The following PRKDC variants were observed in gnomAD, a reference collection of about 807,000 sequenced individuals.
PRKDC encodes the protein protein kinase, DNA-activated, catalytic subunit, also known as DNA-dependent protein kinase catalytic subunit.
A neutral mutation model predicts 486.9 loss-of-function variants in PRKDC; 82 were observed. That is an observed-to-expected ratio of 0.17 (90% CI 0.14 to 0.20). The LOEUF (loss-of-function observed/expected upper bound fraction) is 0.20. Ranked by LOEUF, PRKDC falls within the 10% of genes least tolerant of loss-of-function variation. The pLI is 1.00. For synonymous variants in PRKDC, 1,895 were observed against 1,837.0 expected (o/e 1.03, Z -0.81); for missense variants, 4,504 against 5,038.2 (o/e 0.89, Z 3.21).
intron 52 of PRKDC, among the ~76,000 whole-genome samples, chr8:47,851,347 A>C (rs577470049): frequency 6.6e-6 from 1 of 152,374 alleles, no homozygotes; most frequent in South Asian, 2.1e-4. Flanking sequence ...ATCTTGTAAA[A>C]AAGTTCTACT....
Position 47,914,040 on chromosome 8 carries a change from T to A in PRKDC, c.2642A>T (p.Lys881Met), listed in dbSNP as rs756758606. Residue 881 changes from lysine to methionine, a missense_variant, in exon 24 of 86, where the codon AAG becomes ATG. This residue lies in a region of PRKDC where 1,969 missense variants were observed against 2,068.9 expected (regional missense o/e 0.95). Transcript: ENST00000314191. ...LTVTSSDEMM[K>M]SYVAWDREKR... is the part of the protein sequence containing the mutation. ...CTCTCTGTCCCAGGCCACATAGCTC[T>A]TCATCATCTCATCTGAGGACGTGAC... is the stretch of plus-strand genomic sequence containing the variant. The A allele has an allele frequency of 1.3e-6, 2 of 1,558,358 alleles. No individual in the cohort carries two copies. The highest frequency in any genetic ancestry group is 1.3e-5 in the South Asian group (1 of 79,582).
intron 18 of PRKDC, among the ~76,000 whole-genome samples, chr8:47,929,472 C>T (rs1000614036): frequency 3.3e-5 from 5 of 152,310 alleles, no homozygotes; most frequent in African/African-American, 9.6e-5. Flanking sequence ...ACTGGAGCGT[C>T]GAGAATGCTA....
At chr8:47,844,361 T>C (rs542567152) in intron 54 of PRKDC, among the ~76,000 whole-genome samples, 1 of 152,330 alleles carries the variant, frequency 6.6e-6, no homozygotes, top group African/African-American at 2.4e-5. Flanking sequence ...ACTACATATA[T>C]AAGTACCTAA....
At chr8:47,792,611 G>A (rs1444183872) in intron 74 of PRKDC, among the ~76,000 whole-genome samples, 1 of 152,062 alleles carries the variant, frequency 6.6e-6, no homozygotes, top group Non-Finnish European at 1.5e-5. Flanking sequence ...GAGTATAACT[G>A]GAATGTTTAT....
chr8:47,937,984 T>C (rs971821543), intron 11 of PRKDC, among the ~76,000 whole-genome samples: 3 of 152,110 alleles, frequency 2.0e-5, no homozygotes, highest in Non-Finnish European at 2.9e-5. Flanking sequence ...GCATGGTGGC[T>C]CATGTCTGTG....
At chr8:47,943,050 C>G (rs1240786193) in intron 10 of PRKDC, among the ~76,000 whole-genome samples, 159 bp downstream of exon 10, 1 of 152,270 alleles carries the variant, frequency 6.6e-6, no homozygotes, top group Non-Finnish European at 1.5e-5. Context: ...TTCAGTCTGG[C>G]TGCCTCCCAT....
chr8:47,904,767 T>C, intron 26 of PRKDC, 102 bp downstream of exon 26: 1 of 912,360 alleles, frequency 1.1e-6, no homozygotes, highest in East Asian at 2.6e-5. Context: ...CATTCCAGCC[T>C]GGGCGACGGA....
Position 47,854,165 on chromosome 8 carries a change from A to G in PRKDC, c.6811T>C (p.Ser2271Pro). The G allele has an allele frequency of 6.2e-7, 1 of 1,613,604 alleles. No individual in the cohort carries two copies. Among genetic ancestry groups the G allele is most frequent in the Non-Finnish European group, 8.5e-7 (1 of 1,179,486 alleles). ...SGKDPNSKDN[S>P]VGIQLLGIVM... ...ATGCCTAGCAATTGAATCCCTACTG[A>G]GTTGTCTTTAGAATTAGGATCTTTA... The change falls in exon 51 of 86, where the codon TCA (serine) becomes CCA (proline). Residue 2271 changes from serine (S) to proline (P), a missense_variant. Physicochemically the swap from Ser to Pro is moderately conservative, Grantham distance 74 (BLOSUM62 -1). Transcript: ENST00000314191.
intron 54 of PRKDC, among the ~76,000 whole-genome samples, chr8:47,846,192 G>C (rs145945779): frequency 0.01 from 1,531 of 152,260 alleles, 23 homozygotes; most frequent in African/African-American, 0.035. Context: ...GAGATGGATG[G>C]ATCATTTGAG....
chr8:47,830,608 G>A lies in PRKDC; in HGVS notation c.8394C>T (p.Ala2798=), dbSNP rs1237765938. ...SSLITPLQAV[A]QRDPIIAKQL... is the part of the protein sequence containing the mutation. The stretch of plus-strand genomic sequence containing the variant: ...AAACGCAGCGGCAAAAACTGACCTG[G>A]GCCACGGCCTGTAACGGGGTGATGA... Residue 2798 remains alanine (A), a synonymous_variant, in exon 61 of 86, where the codon GCC becomes GCT. Transcript: ENST00000314191. The A allele has an allele frequency of 5.6e-6, 9 of 1,613,514 alleles. No homozygotes were observed. Among genetic ancestry groups the A allele is most frequent in the Non-Finnish European group, 7.6e-6 (9 of 1,179,654 alleles).
intron 21 of PRKDC, among the ~76,000 whole-genome samples, chr8:47,925,585 T>C (rs1208809896): frequency 6.6e-6 from 1 of 152,236 alleles, no homozygotes; most frequent in Non-Finnish European, 1.5e-5. Context: ...AAAATGTGCC[T>C]ATTGACTGTT....
chr8:47,843,011 A>G (rs1314361516), intron 54 of PRKDC, among the ~76,000 whole-genome samples: 1 of 152,114 alleles, frequency 6.6e-6, no homozygotes, highest in Non-Finnish European at 1.5e-5. Context: ...CAAAAATATA[A>G]ATCATTAGCT....
At position 47,834,687 on chromosome 8, in the gene PRKDC, T is replaced by TTC. The variant is rs796334736; in HGVS notation, c.7952-292_7952-291insGA. Among the ~76,000 whole-genome samples the TTC allele has an allele frequency of 8.1e-4, 94 of 116,422 alleles. 6 individuals are homozygous for TTC. The highest frequency in any genetic ancestry group is 3.3e-3 in the African/African-American group (73 of 22,202). The allele number at this position is 116,422 out of a possible 152,430, so 76.4% of individuals were successfully genotyped here. ...CTGAAAGGTGCTAAGAACCCCTGAC[T>TTC]TTTTTTTTTTTTTTTTTTTTTGAGA... On this transcript the variant is annotated intron_variant, in intron 58 of 85. Coordinates refer to ENST00000314191, the MANE Select transcript of PRKDC (RefSeq NM_006904.7).
At chr8:47,830,506 T>A in intron 61 of PRKDC, 99 bp downstream of exon 61, 1 of 1,494,012 alleles carries the variant, frequency 6.7e-7, no homozygotes. Context: ...CTCATCTATG[T>A]TGCAGGACAG....
intron 74 of PRKDC, among the ~76,000 whole-genome samples, chr8:47,792,501 G>A (rs962951079): frequency 2.0e-5 from 3 of 152,018 alleles, no homozygotes; most frequent in Non-Finnish European, 4.4e-5. Flanking sequence ...CTCCTGATCC[G>A]CCCACTTCAG....
chr8:47,916,526 T>C (rs1175913908), intron 22 of PRKDC, among the ~76,000 whole-genome samples: 1 of 152,228 alleles, frequency 6.6e-6, no homozygotes, highest in Non-Finnish European at 1.5e-5. Context: ...ACTTAAAAGC[T>C]TAAATTTTAT....
At chr8:47,874,977 C>T (rs887071493) in intron 40 of PRKDC, among the ~76,000 whole-genome samples, 1 of 152,054 alleles carries the variant, frequency 6.6e-6, no homozygotes, top group Non-Finnish European at 1.5e-5. Flanking sequence ...ATTGCCTGAA[C>T]CCAGGAGGAG....
Position 47,836,419 on chromosome 8 carries a change from A to G in PRKDC, c.7870T>C (p.Ser2624Pro). 6.2e-7 allele frequency: 1 copy of G among 1,612,682 alleles called. No individual in the cohort carries two copies. The highest frequency in any genetic ancestry group is 8.5e-7 in the Non-Finnish European group (1 of 1,179,310). Residue 2624 changes from serine (S) to proline (P), a missense_variant, in exon 58 of 86, where the codon TCC becomes CCC. This residue lies in a region of PRKDC where 1,592 missense variants were observed against 1,724.6 expected (regional missense o/e 0.92). Transcript: ENST00000314191. ...GTLQTRTQEG[S>P]LSARWPVAGQ... ...GCCACTGGCCAGCGAGCTGAGAGGG[A>G]CCCTTCCTGGGTACGGGTCTGGAGA...
intron 76 of PRKDC, among the ~76,000 whole-genome samples, chr8:47,788,053 T>C (rs141826177): frequency 1.2e-4 from 18 of 152,342 alleles, no homozygotes; most frequent in African/African-American, 4.3e-4. Flanking sequence ...CCAAGACTTA[T>C]CTATGCCCTT....
Sources: gnomAD v4.1 joint callset for allele counts (sites outside exome capture counted in the v4.1 genomes callset) on GRCh38, gnomAD v4.1.1 for gene constraint, gnomAD v4.1.1 regional missense constraint, MANE v1.5 for transcripts, NCBI Gene and HGNC (gene_info 2026-07-23, HGNC 2026-07-21) for gene names.